Variants in CORO1C observed in about 807,000 individuals in gnomAD.
The protein encoded by CORO1C is coronin-1C.
CORO1C carries 14 observed loss-of-function variants against 51.2 expected under a neutral mutation model. The observed-to-expected ratio is 0.27, with a 90% CI of 0.18 to 0.43. The LOEUF (loss-of-function observed/expected upper bound fraction) is 0.43. Among genes scored for constraint, CORO1C ranks in the 20% least tolerant of loss-of-function variants. The pLI is 1.00. For missense variants in CORO1C, 417 were observed against 607.8 expected (o/e 0.69, Z 3.30); for synonymous variants, 181 against 210.5 (o/e 0.86, Z 1.21).
intron 1 of CORO1C, among the ~76,000 whole-genome samples, chr12:108,716,810 C>T (rs537509410): frequency 8.5e-5 from 13 of 152,294 alleles, no homozygotes; most frequent in African/African-American, 3.1e-4. Flanking sequence ...TTACTAACAT[C>T]CACAGGGTTA....
At chr12:108,694,675 T>C (rs1752947622) in intron 2 of CORO1C, among the ~76,000 whole-genome samples, 1 of 152,200 alleles carries the variant, frequency 6.6e-6, no homozygotes, top group Non-Finnish European at 1.5e-5. Flanking sequence ...TACCATGGAA[T>C]ACAGGATAAC....
chr12:108,711,985 G>A (rs116735304), intron 1 of CORO1C, among the ~76,000 whole-genome samples: 167 of 152,272 alleles, frequency 1.1e-3, no homozygotes, highest in African/African-American at 3.8e-3. Context: ...CCTACTAGTA[G>A]CAAAATCCTG....
At chr12:108,728,307 G>A (rs746814144) in intron 1 of CORO1C, among the ~76,000 whole-genome samples, 49 of 150,746 alleles carry the variant, frequency 3.3e-4, no homozygotes, top group Non-Finnish European at 6.3e-4. Flanking sequence ...AACAAAATAC[G>A]GCATATCCAA....
chr12:108,702,703 T>C (rs979396106), intron 1 of CORO1C: 7 of 1,322,268 alleles, frequency 5.3e-6, no homozygotes, highest in African/African-American at 1.5e-5. Context: ...TGGTGGGCTG[T>C]TGCTAATTCC....
intron 1 of CORO1C, among the ~76,000 whole-genome samples, chr12:108,707,666 C>T (rs1248270489): frequency 6.6e-6 from 1 of 152,048 alleles, no homozygotes; most frequent in African/African-American, 2.4e-5. Context: ...AACTTTATGC[C>T]TCAAAGGACA....
intron 2 of CORO1C, among the ~76,000 whole-genome samples, chr12:108,697,795 G>A (rs887948737): frequency 3.3e-5 from 5 of 152,184 alleles, no homozygotes; most frequent in Non-Finnish European, 2.9e-5. Flanking sequence ...CTGGCACACA[G>A]CAGGTACTCT....
Position 108,658,844 on chromosome 12 carries a change from T to A in CORO1C, c.524A>T (p.Asp175Val). ...GTTCCAGCTCACATTGTAAATCATG[T>A]CTGAATGCATATCGTCCAAGTTTAT... ...ALINLDDMHS[D>V]MIYNVSWNRN... Residue 175 changes from aspartate to valine, a missense_variant, in exon 5 of 11, where the codon GAC becomes GTC. Coordinates refer to ENST00000261401, the MANE Select transcript of CORO1C (RefSeq NM_014325.4). The surrounding 1 kb of genome is among the most constrained non-coding windows in gnomAD (Gnocchi z 4.9). 1 of 1,614,004 alleles carries A rather than the reference T, an allele frequency of 6.2e-7. No homozygotes were observed. The highest frequency in any genetic ancestry group is 8.5e-7 in the Non-Finnish European group (1 of 1,179,858).
chr12:108,704,567 CAGAGT>C (rs1220356316), intron 1 of CORO1C, among the ~76,000 whole-genome samples: 1 of 152,116 alleles, frequency 6.6e-6, no homozygotes, highest in African/African-American at 2.4e-5. Flanking sequence ...GCTACAATCA[CAGAGT>C]AGAATGTTAG....
chr12:108,704,584 T>C (rs1297920274), intron 1 of CORO1C, among the ~76,000 whole-genome samples: 2 of 152,230 alleles, frequency 1.3e-5, no homozygotes, highest in Non-Finnish European at 2.9e-5. Flanking sequence ...GAATGTTAGC[T>C]ACAGGGCAGA....
intron 1 of CORO1C, among the ~76,000 whole-genome samples, chr12:108,715,747 A>T (rs1004840071): frequency 6.6e-6 from 1 of 150,976 alleles, no homozygotes; most frequent in African/African-American, 2.4e-5. Flanking sequence ...CAAAGAGCAG[A>T]ACACAACTCA....
intron 3 of CORO1C, among the ~76,000 whole-genome samples, chr12:108,670,044 G>C (rs969761802): frequency 6.6e-6 from 1 of 152,198 alleles, no homozygotes; most frequent in Non-Finnish European, 1.5e-5. Context: ...GGGAAGATGA[G>C]AGAATCTCAG....
chr12:108,684,447 C>T (rs1204157874), intron 2 of CORO1C, among the ~76,000 whole-genome samples: 1 of 151,904 alleles, frequency 6.6e-6, no homozygotes, highest in Non-Finnish European at 1.5e-5. Context: ...AGAGATGCTC[C>T]CATATTTTGT....
chr12:108,685,753 A>C (rs1430024778), intron 2 of CORO1C, among the ~76,000 whole-genome samples: 1 of 152,214 alleles, frequency 6.6e-6, no homozygotes, highest in African/African-American at 2.4e-5. Context: ...AAACAGAGAA[A>C]GTAGTATTCT....
At chr12:108,701,014 G>C in intron 2 of CORO1C, 110 bp downstream of exon 2, 1 of 1,206,814 alleles carries the variant, frequency 8.3e-7, no homozygotes, top group Non-Finnish European at 1.2e-6. Flanking sequence ...AATTACATCA[G>C]AGTCTAATGG....
intron 2 of CORO1C, among the ~76,000 whole-genome samples, chr12:108,699,456 C>G (rs184454333): frequency 5.0e-4 from 76 of 152,296 alleles, no homozygotes; most frequent in African/African-American, 1.5e-3. Context: ...AAAAGTCTTA[C>G]ATTTATCCCT....
At position 108,705,399 on chromosome 12, in the gene CORO1C, G is replaced by A. The variant is rs138494724; in HGVS notation, c.-5-4076C>T. On this transcript the variant is annotated intron_variant, in intron 1 of 10. Coordinates refer to ENST00000261401, the MANE Select transcript of CORO1C (RefSeq NM_014325.4). ...TGCTTGAACCTGGGAGGCAGAGGTCGCAGTGAGCCGAGATCACGCCACTGC... is the reference window on the plus strand; with the variant it reads ...TGCTTGAACCTGGGAGGCAGAGGTCACAGTGAGCCGAGATCACGCCACTGC... Among the ~76,000 whole-genome samples the A allele has an allele frequency of 4.9e-3, 687 of 141,640 alleles. 6 individuals carry two copies. The highest frequency in any genetic ancestry group is 0.018 in the African/African-American group (657 of 37,192). The allele number at this position is 141,640 out of a possible 152,430, so 92.9% of individuals were successfully genotyped here.
intron 6 of CORO1C, among the ~76,000 whole-genome samples, chr12:108,655,482 T>G (rs2032913532): frequency 6.6e-6 from 1 of 151,316 alleles, no homozygotes; most frequent in African/African-American, 2.4e-5. Flanking sequence ...CCTCCCTGCC[T>G]GATTCTCCTG....
intron 1 of CORO1C, among the ~76,000 whole-genome samples, chr12:108,708,911 C>A (rs945383413): frequency 5.3e-5 from 8 of 151,966 alleles, no homozygotes; most frequent in Non-Finnish European, 1.0e-4. Flanking sequence ...CGCCACCACA[C>A]CAGGCTAATT....
chr12:108,660,850 G>C (rs1397700543), intron 4 of CORO1C, among the ~76,000 whole-genome samples: 2 of 152,036 alleles, frequency 1.3e-5, no homozygotes. Flanking sequence ...AAAAAACATG[G>C]CATCTTTTTT....
Sources: gnomAD v4.1 joint callset for allele counts (sites outside exome capture counted in the v4.1 genomes callset) on GRCh38, gnomAD v4.1.1 for gene constraint, Gnocchi (gnomAD v3.1) non-coding constraint, MANE v1.5 for transcripts, NCBI Gene and HGNC (gene_info 2026-07-23, HGNC 2026-07-21) for gene names.